Variants in ADARB2 observed in about 807,000 individuals in gnomAD.
The protein encoded by ADARB2 is inactive double-stranded RNA-specific editase B2.
In ADARB2, 25 loss-of-function variants were observed where a neutral mutation model predicts 62.2. The observed-to-expected ratio is 0.40, with a 90% confidence interval of 0.29 to 0.56. The LOEUF is 0.56. ADARB2 is among the 20% of genes least tolerant of loss of function. The probability of loss-of-function intolerance (pLI) is 0.43; values close to 1 mark genes in which losing one functional copy is unlikely to be tolerated. For missense variants in ADARB2, 1,071 were observed against 1,077.4 expected, an observed-to-expected ratio of 0.99 and a Z score of 0.08; for synonymous variants, 572 against 500.8, an observed-to-expected ratio of 1.14 and a Z score of -1.90.
rs189911533 is a variant in ADARB2 at position 1,438,229 on chromosome 10, T to C, written c.101-59069A>G. ...CGACAGGGCTCCTGAGTCTCCTCAG[T>C]GGACGGAAGCAGGTTCTTCACTATG... On this transcript the variant is annotated intron_variant, in intron 1 of 9. Coordinates refer to ENST00000381312, the MANE Select transcript of ADARB2 (RefSeq NM_018702.4). Among the ~76,000 whole-genome samples the C allele has an allele frequency of 2.1e-3, 297 of 139,072 alleles. 1 individual carries two copies. Among genetic ancestry groups the C allele is most frequent in the South Asian group, 4.4e-3 (18 of 4,080 alleles). 91.2% of individuals were successfully genotyped at this position (139,072 alleles called of 152,430 possible).
At chr10:1,721,769 T>A (rs118037981) in intron 1 of ADARB2, among the ~76,000 whole-genome samples, 253 of 152,320 alleles carry the variant, frequency 1.7e-3, no homozygotes, top group Non-Finnish European at 2.4e-3. Context: ...GCATTTGTGC[T>A]TTCATCTACC....
chr10:1,573,083 A>G (rs1406796164), intron 1 of ADARB2, among the ~76,000 whole-genome samples: 1 of 152,234 alleles, frequency 6.6e-6, no homozygotes, highest in South Asian at 2.1e-4. Context: ...GGAGCTCAGA[A>G]CAGGGCTTTG....
chr10:1,437,349 T>C (rs1486323988), intron 1 of ADARB2, among the ~76,000 whole-genome samples: 1 of 152,284 alleles, frequency 6.6e-6, no homozygotes, highest in South Asian at 2.1e-4. Flanking sequence ...TGTAGCTTAT[T>C]ATGTCGTTTC....
chr10:1,689,864 C>CT (rs1305854019), intron 1 of ADARB2, among the ~76,000 whole-genome samples: 1 of 152,200 alleles, frequency 6.6e-6, no homozygotes, highest in African/African-American at 2.4e-5. Flanking sequence ...TAACAGTCCC[C>CT]TCTACAGTTA....
intron 1 of ADARB2, among the ~76,000 whole-genome samples, chr10:1,619,515 G>A (rs969508302): frequency 2.6e-5 from 4 of 152,100 alleles, no homozygotes; most frequent in Admixed American, 6.6e-5. Flanking sequence ...GCAGTGGTGC[G>A]ATCTTGGCTC....
chr10:1,722,819 A>T (rs894262729), intron 1 of ADARB2, among the ~76,000 whole-genome samples: 1 of 152,240 alleles, frequency 6.6e-6, no homozygotes, highest in African/African-American at 2.4e-5. Context: ...ATCTAGTTCA[A>T]CGACCTCTGC....
intron 3 of ADARB2, among the ~76,000 whole-genome samples, chr10:1,305,308 T>C (rs1184581647): frequency 2.6e-5 from 4 of 151,330 alleles, no homozygotes; most frequent in Admixed American, 6.6e-5. Context: ...CTAGAAGAAA[T>C]GGATAAATTC....
At chr10:1,508,124 A>G (rs554037365) in intron 1 of ADARB2, among the ~76,000 whole-genome samples, 129 of 152,314 alleles carry the variant, frequency 8.5e-4, no homozygotes, top group African/African-American at 2.9e-3. Context: ...TGAATTATCC[A>G]GCAGCACACG....
intron 1 of ADARB2, among the ~76,000 whole-genome samples, chr10:1,579,995 A>G (rs1466426512): frequency 5.9e-5 from 9 of 152,222 alleles, no homozygotes; most frequent in Admixed American, 5.9e-4. Flanking sequence ...CCTGTTCACG[A>G]AAACAGTCTC....
chr10:1,409,752 GTCGTGGTCATAGGGAATGA>G (rs1393360172), intron 1 of ADARB2, among the ~76,000 whole-genome samples: 2 of 126,526 alleles, frequency 1.6e-5, no homozygotes, highest in African/African-American at 2.7e-5. Context: ...CCGAGGCCTG[GTCGTGGTCATAGGGAATGA>G]CTGACAGTGG....
intron 3 of ADARB2, among the ~76,000 whole-genome samples, chr10:1,335,186 A>G (rs544113998): frequency 5.6e-5 from 8 of 141,862 alleles, no homozygotes; most frequent in East Asian, 4.8e-4. Flanking sequence ...GTACTTATTG[A>G]GGATGTCTGT....
intron 1 of ADARB2, among the ~76,000 whole-genome samples, chr10:1,616,200 T>G (rs1352218463): frequency 6.6e-6 from 1 of 152,230 alleles, no homozygotes; most frequent in African/African-American, 2.4e-5. Context: ...GTGGCTTGCA[T>G]TTCTATAGAG....
At chr10:1,316,785 C>G (rs183017879) in intron 3 of ADARB2, among the ~76,000 whole-genome samples, 2 of 152,304 alleles carry the variant, frequency 1.3e-5, no homozygotes, top group Admixed American at 1.3e-4. Context: ...TTGGCTAAAA[C>G]TTAACTAGAT....
Position 1,363,512 on chromosome 10 carries a change from G to A in ADARB2, c.593C>T (p.Ala198Val), listed in dbSNP as rs140367778. 1.4e-5 allele frequency: 22 copies of A among 1,531,732 alleles called. No individual in the cohort carries two copies. The African/African-American group carries it at 2.9e-4, about 20-fold the overall frequency. 94.9% of individuals were successfully genotyped at this position (1,531,732 alleles called of 1,614,324 possible). ...CGGGCCCCCGCCCATGGCCAGGTGC[G>A]CCTGGCAGGCGTTGGGGAACTGCAC... ...SFVQFPNACQ[A>V]HLAMGGGPGP... The change falls in exon 3 of 10, where the codon GCG (alanine) becomes GTG (valine). Residue 198 changes from alanine (A) to valine (V), a missense_variant. Transcript: ENST00000381312.
intron 3 of ADARB2, among the ~76,000 whole-genome samples, chr10:1,300,488 C>T (rs1831563579): frequency 2.6e-5 from 4 of 152,232 alleles, no homozygotes; most frequent in Admixed American, 2.6e-4. Context: ...CTCCACTAAT[C>T]AATTCCCCCC....
intron 1 of ADARB2, among the ~76,000 whole-genome samples, chr10:1,625,531 A>AG (rs1833755981): frequency 6.6e-6 from 1 of 152,096 alleles, no homozygotes; most frequent in South Asian, 2.1e-4. Flanking sequence ...CTGGAGGTGC[A>AG]GGGCTTGGTT....
At chr10:1,194,899 A>G (rs1320577472) in intron 8 of ADARB2, among the ~76,000 whole-genome samples, 1 of 151,750 alleles carries the variant, frequency 6.6e-6, no homozygotes, top group Non-Finnish European at 1.5e-5. Context: ...TTTGGGTTTT[A>G]TCTCCTGTGT....
chr10:1,366,254 T>C (rs962715103), intron 2 of ADARB2, among the ~76,000 whole-genome samples: 1 of 152,208 alleles, frequency 6.6e-6, no homozygotes, highest in African/African-American at 2.4e-5. Context: ...ATTTGCCAGC[T>C]GGGGTGATGA....
At chr10:1,545,725 A>G (rs533279353) in intron 1 of ADARB2, among the ~76,000 whole-genome samples, 44 of 152,282 alleles carry the variant, frequency 2.9e-4, no homozygotes, top group Non-Finnish European at 4.4e-4. Flanking sequence ...GCACTCCATG[A>G]AAAGCAACAA....
Sources: allele counts gnomAD v4.1 joint callset (sites outside exome capture counted in the v4.1 genomes callset), GRCh38; gene constraint gnomAD v4.1.1; transcripts MANE v1.5; gene names NCBI Gene and HGNC (gene_info 2026-07-23, HGNC 2026-07-21).